FBN2: variants seen among roughly 807,000 people sequenced by gnomAD.
FBN2 encodes the protein fibrillin-2.
A neutral mutation model predicts 355.6 loss-of-function variants in FBN2; 105 were observed. That is an observed-to-expected ratio of 0.30 (90% CI 0.25 to 0.35). FBN2 has a LOEUF of 0.35. Among genes scored for constraint, FBN2 ranks in the 10% least tolerant of loss-of-function variants. The pLI, the probability that FBN2 is intolerant of heterozygous loss-of-function variation, is 1.00. For missense variants in FBN2, 3,280 were observed against 3,758.7 expected, an observed-to-expected ratio of 0.87 and a Z score of 3.33; for synonymous variants, 1,350 against 1,301.2, an observed-to-expected ratio of 1.04 and a Z score of -0.81.
chr5:128,355,935 G>A (rs1297113670), intron 20 of FBN2, among the ~76,000 whole-genome samples: 1 of 152,160 alleles, frequency 6.6e-6, no homozygotes, highest in African/African-American at 2.4e-5. Flanking sequence ...AAGGGCAAAA[G>A]GCCAAAATAA....
intron 58 of FBN2, 95 bp downstream of exon 58, chr5:128,277,785 C>T: frequency 7.6e-7 from 1 of 1,322,072 alleles, no homozygotes; most frequent in South Asian, 1.2e-5. Flanking sequence ...TTCCAAAGCT[C>T]CATAATAAAG....
In FBN2 at chr5:128,333,404, T is replaced by A. The variant is rs187588187; in HGVS notation, c.4100-370A>T. ...AGATCAAGAGAAATCTTATTTCCAATAATAGATGGTGCTATTCCTTCCTAT... is the reference window on the plus strand; with the variant it reads ...AGATCAAGAGAAATCTTATTTCCAAAAATAGATGGTGCTATTCCTTCCTAT... On this transcript the variant is annotated intron_variant, in intron 31 of 64. Transcript: ENST00000262464. Among the ~76,000 whole-genome samples, 62 of 152,278 alleles carry A rather than the reference T, an allele frequency of 4.1e-4. No individual in the cohort carries two copies. The East Asian group carries it at 0.01, about 26-fold the overall frequency.
rs764804228 is a variant in FBN2 at position 128,376,695 on chromosome 5, A to G, written c.1972+36T>C. On this transcript the variant is annotated intron_variant, in intron 14 of 64. Coordinates refer to ENST00000262464, the MANE Select transcript of FBN2 (RefSeq NM_001999.4). ...CATTCAAATAAAAAAGGTGGTTTCA[A>G]TCATGGTCACTTTCCTATCTGAAAG... 16 of 1,612,750 alleles carry G rather than the reference A, an allele frequency of 9.9e-6. 1 individual carries two copies. In the South Asian group the frequency reaches 1.6e-4, roughly 17 times the overall value.
Position 128,289,108 on chromosome 5 carries a change from A to G in FBN2, c.6637+19T>C, listed in dbSNP as rs1356458172. On this transcript the variant is annotated intron_variant, in intron 52 of 64. Transcript: ENST00000262464. The stretch of plus-strand genomic sequence containing the variant: ...TAAAATAGAACTTTAAAATTCTGTA[A>G]TGTGGAGCCAACACTCACCCACACA... The G allele has an allele frequency of 6.2e-7, 1 of 1,613,554 alleles. No homozygotes were observed. Among genetic ancestry groups the G allele is most frequent in the South Asian group, 1.1e-5 (1 of 91,070 alleles).
intron 5 of FBN2, among the ~76,000 whole-genome samples, chr5:128,473,795 G>C (rs1754938516): frequency 6.6e-6 from 1 of 152,142 alleles, no homozygotes; most frequent in African/African-American, 2.4e-5. Context: ...TGTTACACCA[G>C]GGAGAAATTA....
At chr5:128,512,077 T>C (rs77486821) in intron 5 of FBN2, among the ~76,000 whole-genome samples, 6,965 of 152,192 alleles carry the variant, frequency 0.046, 278 homozygotes, top group African/African-American at 0.11. Flanking sequence ...ATAATAATGA[T>C]ATACAATATT....
chr5:128,350,358 C>T (rs1335188496), intron 21 of FBN2, among the ~76,000 whole-genome samples: 2 of 152,124 alleles, frequency 1.3e-5, no homozygotes, highest in Admixed American at 1.3e-4. Flanking sequence ...GGAGACCCAT[C>T]TGACCAACAT....
intron 36 of FBN2, among the ~76,000 whole-genome samples, chr5:128,317,259 T>C (rs1750228118): frequency 6.6e-6 from 1 of 152,162 alleles, no homozygotes; most frequent in African/African-American, 2.4e-5. Flanking sequence ...CTCTAGAATG[T>C]AAACACAAAA....
Position 128,309,415 on chromosome 5 carries a change from C to CA in FBN2, c.5201-17dup, listed in dbSNP as rs1185472891. 6 of 1,611,918 alleles carry CA rather than the reference C, an allele frequency of 3.7e-6. No homozygotes were observed. Among genetic ancestry groups the CA allele is most frequent in the Non-Finnish European group, 5.1e-6 (6 of 1,178,262 alleles). ...TTTCTCATGTCTATATAAAGAAAAACAAAGAAACTAGCCATTTGTATCCAC... is the reference window on the plus strand; with the variant it reads ...TTTCTCATGTCTATATAAAGAAAAACAAAAGAAACTAGCCATTTGTATCCAC... On this transcript the variant is annotated splice_polypyrimidine_tract_variant and intron_variant, in intron 40 of 64. Transcript: ENST00000262464.
intron 4 of FBN2, among the ~76,000 whole-genome samples, chr5:128,526,826 T>C (rs1185783633): frequency 6.6e-6 from 1 of 152,120 alleles, no homozygotes; most frequent in East Asian, 1.9e-4. Context: ...TACACAACAG[T>C]GTGAATGGAC....
At chr5:128,446,739 A>C in intron 6 of FBN2, 133 bp from the exon 7 acceptor site, 1 of 791,290 alleles carries the variant, frequency 1.3e-6, no homozygotes, top group Non-Finnish European at 2.0e-6. Flanking sequence ...GGGTTAGAGA[A>C]GTAAAACACC....
chr5:128,536,300 A>G (rs1460800923), intron 2 of FBN2, 102 bp downstream of exon 2: 1 of 881,810 alleles, frequency 1.1e-6, no homozygotes, highest in East Asian at 2.6e-5. Flanking sequence ...TGATCACTTG[A>G]TTTTAAACGC....
chr5:128,305,619 T>G lies in FBN2; in HGVS notation c.5566A>C (p.Asn1856His). 1 of 1,614,056 alleles carries G rather than the reference T, an allele frequency of 6.2e-7. No homozygotes were observed. Among genetic ancestry groups the G allele is most frequent in the Non-Finnish European group, 8.5e-7 (1 of 1,179,928 alleles). ...TTCCGCTGGCAGAGATTATCACCAT[T>G]GCTGCACTCATCTATATCTGAAAGA... ...LVCEDIDECS[N>H]GDNLCQRNAD... Residue 1856 changes from asparagine (N) to histidine (H), a missense_variant, in exon 44 of 65, where the codon AAT becomes CAT. Physicochemically the swap from Asn to His is moderately conservative, Grantham distance 68 (BLOSUM62 1). Coordinates refer to ENST00000262464, the MANE Select transcript of FBN2 (RefSeq NM_001999.4).
chr5:128,277,080 T>C (rs149117116), intron 58 of FBN2, among the ~76,000 whole-genome samples: 4 of 152,220 alleles, frequency 2.6e-5, no homozygotes, highest in African/African-American at 7.2e-5. Flanking sequence ...ACTCATGCTC[T>C]TCTGTTTCAA....
At chr5:128,470,256 T>C (rs1754822285) in intron 5 of FBN2, among the ~76,000 whole-genome samples, 1 of 152,178 alleles carries the variant, frequency 6.6e-6, no homozygotes, top group African/African-American at 2.4e-5. Flanking sequence ...TGCAGGAGGC[T>C]GGTTCCATGC....
chr5:128,364,532 A>T, intron 18 of FBN2, 68 bp downstream of exon 18: 1 of 1,482,338 alleles, frequency 6.7e-7, no homozygotes, highest in Non-Finnish European at 9.3e-7. Flanking sequence ...TTGTGTTTTT[A>T]ATTCTAATAT....
intron 34 of FBN2, among the ~76,000 whole-genome samples, chr5:128,326,892 G>T (rs773785789): frequency 6.6e-6 from 1 of 152,104 alleles, no homozygotes; most frequent in African/African-American, 2.4e-5. Context: ...CACCATCTTG[G>T]GGGAGAGGGA....
intron 5 of FBN2, among the ~76,000 whole-genome samples, chr5:128,505,542 C>A (rs1339251871): frequency 6.6e-6 from 1 of 151,972 alleles, no homozygotes; most frequent in African/African-American, 2.4e-5. Flanking sequence ...CATGTATAAC[C>A]CCATCATCAT....
chr5:128,331,527 C>T (rs1750691329), intron 32 of FBN2, among the ~76,000 whole-genome samples: 1 of 152,150 alleles, frequency 6.6e-6, no homozygotes, highest in Non-Finnish European at 1.5e-5. Context: ...TGAATTTTAT[C>T]CCGAATTCAA....
Sources: allele counts gnomAD v4.1 joint callset (sites outside exome capture counted in the v4.1 genomes callset), GRCh38; gene constraint gnomAD v4.1.1; transcripts MANE v1.5; gene names NCBI Gene and HGNC (gene_info 2026-07-23, HGNC 2026-07-21).